The following ADGRA1 variants were observed in gnomAD, a reference collection of about 807,000 sequenced individuals.
The protein encoded by ADGRA1 is adhesion G protein-coupled receptor A1, also known as G-protein coupled receptor 123.
ADGRA1 carries 12 observed loss-of-function variants against 21.3 expected under a neutral mutation model. The ratio of observed to expected loss-of-function variants is 0.56; its 90% CI spans 0.36 to 0.91. The LOEUF (loss-of-function observed/expected upper bound fraction) is 0.91. Among genes scored for constraint, ADGRA1 ranks in the 40% least tolerant of loss-of-function variants. The pLI is 0.01. For missense variants in ADGRA1, 790 were observed against 805.6 expected (o/e 0.98, Z 0.23); for synonymous variants, 385 against 368.8 (o/e 1.04, Z -0.50).
intron 5 of ADGRA1, among the ~76,000 whole-genome samples, chr10:133,104,738 GC>G (rs200913823): frequency 6.6e-6 from 1 of 151,970 alleles, no homozygotes; most frequent in Non-Finnish European, 1.5e-5. Context: ...CTCCCCAGCC[GC>G]CCCCCCGGTG....
intron 5 of ADGRA1, among the ~76,000 whole-genome samples, chr10:133,118,507 G>A (rs2135900598): frequency 6.6e-6 from 1 of 152,314 alleles, no homozygotes; most frequent in Non-Finnish European, 1.5e-5. Context: ...GAGGCCTCAG[G>A]AAACTTACAG....
Position 133,130,618 on chromosome 10 carries a change from TTCC to T in ADGRA1, c.*1112_*1114del, listed in dbSNP as rs1230742569. On this transcript the variant is annotated 3_prime_UTR_variant, in exon 7 of 7. Coordinates refer to ENST00000392607, the MANE Select transcript of ADGRA1 (RefSeq NM_001083909.3). Reference sequence around the variant, plus strand: ...GTGCACAGCTTTCCCTCCCTCCCTCTTCCTCCTTGTCTGTGACACATGTGCACC... The same window carrying T: ...GTGCACAGCTTTCCCTCCCTCCCTCTTCCTTGTCTGTGACACATGTGCACC... 3 of 152,044 alleles carry T rather than the reference TTCC, an allele frequency of 2.0e-5. No individual in the cohort carries two copies. Among genetic ancestry groups the T allele is most frequent in the African/African-American group, 7.3e-5 (3 of 41,362 alleles). 9.4% of individuals were successfully genotyped at this position (152,044 alleles called of 1,614,324 possible). A position where few individuals can be genotyped will look rare whatever the true frequency, so the allele number is the denominator to read the frequency against.
chr10:133,117,719 G>A (rs1208170162), intron 5 of ADGRA1, among the ~76,000 whole-genome samples: 6 of 152,264 alleles, frequency 3.9e-5, no homozygotes, highest in Admixed American at 6.5e-5. Context: ...TTCTGCACAC[G>A]TGACCTCAGT....
chr10:133,105,338 C>T (rs1167820736), intron 5 of ADGRA1, among the ~76,000 whole-genome samples: 3 of 152,162 alleles, frequency 2.0e-5, no homozygotes, highest in Admixed American at 1.3e-4. Flanking sequence ...ATGAAGGAGC[C>T]GTGTGTAAGC....
chr10:133,115,094 T>G (rs544638134), intron 5 of ADGRA1, among the ~76,000 whole-genome samples: 1 of 152,216 alleles, frequency 6.6e-6, no homozygotes, highest in South Asian at 2.1e-4. Flanking sequence ...CTGGGGGGCT[T>G]CATCGAGAGG....
In ADGRA1 at chr10:133,102,823, C is replaced by G. The variant is rs777146264; in HGVS notation, c.382C>G (p.Pro128Ala). 12 of 1,611,416 alleles carry G rather than the reference C, an allele frequency of 7.4e-6. No individual in the cohort carries two copies. In the South Asian group the frequency reaches 1.3e-4, roughly 18 times the overall value. The change falls in exon 5 of 7, where the codon CCC becomes GCC. Residue 128 changes from proline (P) to alanine (A), a missense_variant. By Grantham distance (27) the Pro-to-Ala change is conservative. Around this residue, in one of 3 missense-constraint regions of ADGRA1, gnomAD observed 382 missense variants for 415.6 expected, o/e 0.92. Coordinates refer to ENST00000392607, the MANE Select transcript of ADGRA1 (RefSeq NM_001083909.3). The stretch of plus-strand genomic sequence containing the variant: ...CCTGGACACAGACCAGCCACCGTAC[C>G]CCAGGCAGCCCCTGCTCAGGTACTG... ...LCLDTDQPPY[P>A]RQPLLRFYLV... is the part of the protein sequence containing the mutation.
chr10:133,128,439 A>G lies in ADGRA1; in HGVS notation c.611A>G (p.His204Arg), dbSNP rs1424182132. The change falls in exon 7 of 7, where the codon CAC becomes CGC. Residue 204 changes from histidine (H) to arginine (R), a missense_variant. Physicochemically the swap from His to Arg is conservative, Grantham distance 29. This residue lies in a region of ADGRA1 where 382 missense variants were observed against 415.6 expected (regional missense o/e 0.92). Transcript: ENST00000392607. ...FLGTYVQLRR[H>R]PGRRYELRTQ... ...GGCACCTACGTGCAGCTGCGGCGCC[A>G]CCCAGGGCGCAGGTACGAGCTGCGC... 3 of 1,603,866 alleles carry G rather than the reference A, an allele frequency of 1.9e-6. No individual in the cohort carries two copies. Among genetic ancestry groups the G allele is most frequent in the Non-Finnish European group, 2.6e-6 (3 of 1,176,338 alleles).
At chr10:133,122,295 C>T (rs1019056032) in intron 5 of ADGRA1, among the ~76,000 whole-genome samples, 5 of 152,214 alleles carry the variant, frequency 3.3e-5, no homozygotes, top group South Asian at 4.1e-4. Flanking sequence ...GGAACAGAGC[C>T]GTGGCAGGAC....
At position 133,127,339 on chromosome 10, in the gene ADGRA1, C is replaced by T; in HGVS notation, c.500+8C>T. The T allele has an allele frequency of 6.3e-7, 1 of 1,582,138 alleles. No homozygotes were observed. Among genetic ancestry groups the T allele is most frequent in the South Asian group, 1.2e-5 (1 of 86,542 alleles). ...GGACGAGGACACGGCGTAGTGAGTA[C>T]CGGGCACCCAGAACCGGGAGCTGGG... is the stretch of plus-strand genomic sequence containing the variant. On this transcript the variant is annotated splice_region_variant and intron_variant, in intron 6 of 6. Coordinates refer to ENST00000392607, the MANE Select transcript of ADGRA1 (RefSeq NM_001083909.3).
rs765581145 is a variant in ADGRA1, at chr10:133,097,001, C to G, written c.31C>G (p.Arg11Gly). Residue 11 changes from arginine to glycine, a missense_variant, in exon 3 of 7, where the codon CGC becomes GGC. Physicochemically the swap from Arg to Gly is moderately radical, Grantham distance 125. Transcript: ENST00000392607. MDLKTVLSLPRYPGEFLHPVV... is the reference protein window; with the variant it reads MDLKTVLSLPGYPGEFLHPVV... The stretch of plus-strand genomic sequence containing the variant: ...TCTGAAGACAGTGCTCTCCCTGCCC[C>G]GCTACCCAGGGGAGTTCCTGCACCC... 1.9e-6 allele frequency: 3 copies of G among 1,613,500 alleles called. No individual in the cohort carries two copies. Among genetic ancestry groups the G allele is most frequent in the South Asian group, 1.1e-5 (1 of 91,082 alleles).
intron 5 of ADGRA1, among the ~76,000 whole-genome samples, chr10:133,112,775 C>G (rs1852078117): frequency 7.3e-6 from 1 of 136,342 alleles, no homozygotes. Flanking sequence ...GGTCTGTAAG[C>G]TATGTCGGTT....
chr10:133,112,408 ATTTGGGGTC>A (rs1852056357), intron 5 of ADGRA1, among the ~76,000 whole-genome samples: 1 of 143,516 alleles, frequency 7.0e-6, no homozygotes, highest in Admixed American at 7.0e-5. Context: ...CGCGTCCGTT[ATTTGGGGTC>A]TGCGGGCCAT....
At position 133,112,218 on chromosome 10, in the gene ADGRA1, C is replaced by G. The variant is rs142351708; in HGVS notation, c.401+9376C>G. Among the ~76,000 whole-genome samples the G allele has an allele frequency of 4.4e-3, 670 of 152,368 alleles. 5 individuals carry two copies. Among genetic ancestry groups the G allele is most frequent in the African/African-American group, 0.015 (612 of 41,590 alleles). ...TTTCATAGGTGCTCGGGGGCTGATT[C>G]CCCATTTAGCCATGAATAATGACAT... On this transcript the variant is annotated intron_variant, in intron 5 of 6. Coordinates refer to ENST00000392607, the MANE Select transcript of ADGRA1 (RefSeq NM_001083909.3).
At chr10:133,123,242 G>A (rs888327167) in intron 5 of ADGRA1, among the ~76,000 whole-genome samples, 12 of 152,192 alleles carry the variant, frequency 7.9e-5, no homozygotes, top group Non-Finnish European at 1.3e-4. Context: ...TGGCTGCGCC[G>A]TCCTCTCTTG....
chr10:133,120,266 G>A (rs1415305895), intron 5 of ADGRA1, among the ~76,000 whole-genome samples: 9 of 152,218 alleles, frequency 5.9e-5, no homozygotes, highest in African/African-American at 9.6e-5. Flanking sequence ...TTAGCTGGGC[G>A]TGGTGGCAGG....
chr10:133,125,493 G>A (rs1319703157), intron 5 of ADGRA1, among the ~76,000 whole-genome samples: 10 of 152,108 alleles, frequency 6.6e-5, no homozygotes, highest in Admixed American at 5.9e-4. Flanking sequence ...GCGCGATCTC[G>A]GCTCACTGCA....
At position 133,128,369 on chromosome 10, in the gene ADGRA1, G is replaced by A. The variant is rs941196352; in HGVS notation, c.541G>A (p.Gly181Ser). The A allele has an allele frequency of 1.9e-6, 3 of 1,575,898 alleles. No homozygotes were observed. The highest frequency in any genetic ancestry group is 1.7e-4 in the Middle Eastern group (1 of 5,760). ...AWEPSLGAFY[G>S]PAAIITLVTC... is the part of the protein sequence containing the mutation. ...GGAGCCCAGCCTGGGCGCCTTCTACGGCCCAGCCGCCATCATCACCCTGGT... is the reference window on the plus strand; with the variant it reads ...GGAGCCCAGCCTGGGCGCCTTCTACAGCCCAGCCGCCATCATCACCCTGGT... The change falls in exon 7 of 7, where the codon GGC (glycine) becomes AGC (serine). Residue 181 changes from glycine to serine, a missense_variant. Physicochemically the swap from Gly to Ser is moderately conservative, Grantham distance 56. Transcript: ENST00000392607.
chr10:133,109,121 C>A (rs1851943467), intron 5 of ADGRA1, among the ~76,000 whole-genome samples: 1 of 152,024 alleles, frequency 6.6e-6, no homozygotes, highest in African/African-American at 2.4e-5. Context: ...CCAGCTCCAC[C>A]CCCACAATGT....
At chr10:133,125,607 T>G (rs1309650954) in intron 5 of ADGRA1, among the ~76,000 whole-genome samples, 3 of 152,034 alleles carry the variant, frequency 2.0e-5, no homozygotes, top group Non-Finnish European at 4.4e-5. Context: ...TTTTTGTATT[T>G]TTTAGTACAG....
Sources: allele counts gnomAD v4.1 joint callset (sites outside exome capture counted in the v4.1 genomes callset), GRCh38; gene constraint gnomAD v4.1.1; regional missense constraint gnomAD v4.1.1; transcripts MANE v1.5; gene names NCBI Gene and HGNC (gene_info 2026-07-23, HGNC 2026-07-21).